SLC12A4: variants seen among roughly 807,000 people sequenced by gnomAD.
SLC12A4 encodes solute carrier family 12 member 4.
A neutral mutation model predicts 119.2 loss-of-function variants in SLC12A4; 84 were observed. That is an observed-to-expected ratio of 0.70 (90% CI 0.59 to 0.85). SLC12A4 has a LOEUF of 0.85. SLC12A4 is among the 40% of genes least tolerant of loss of function. SLC12A4 has a pLI of 0.00. For missense variants in SLC12A4, 1,298 were observed against 1,476.3 expected (o/e 0.88, Z 1.98); for synonymous variants, 599 against 604.6 (o/e 0.99, Z 0.14).
Position 67,948,053 on chromosome 16 carries a change from T to C in SLC12A4, c.1847+8A>G, listed in dbSNP as rs2058372261. Reference sequence around the variant, plus strand: ...CCCAGGGTCTCCCGTGTCAGAGGCATGGCTCACCAGTGATAGTACTTGAAC... The same window carrying C: ...CCCAGGGTCTCCCGTGTCAGAGGCACGGCTCACCAGTGATAGTACTTGAAC... On this transcript the variant is annotated splice_region_variant and intron_variant, in intron 14 of 23. Coordinates refer to ENST00000316341, the MANE Select transcript of SLC12A4 (RefSeq NM_005072.5). 1.2e-6 allele frequency: 2 copies of C among 1,612,876 alleles called. No individual in the cohort carries two copies. The highest frequency in any genetic ancestry group is 1.7e-6 in the Non-Finnish European group (2 of 1,179,812).
chr16:67,958,024 G>T lies in SLC12A4; in HGVS notation c.363C>A (p.Leu121=). ...GCAGGCAGGGCAGGTACACCCCCAT[G>T]AGGGTGCCCATGCTGGGTGCCTATG... ...RAAEAPSMGT[L]MGVYLPCLQN... The change falls in exon 4 of 24, where the codon CTC becomes CTA. Residue 121 remains leucine (L), a synonymous_variant. Transcript: ENST00000316341. 6.2e-7 allele frequency: 1 copy of T among 1,614,114 alleles called. No individual in the cohort carries two copies. Among genetic ancestry groups the T allele is most frequent in the African/African-American group, 1.3e-5 (1 of 75,056 alleles).
chr16:67,948,719 C>T (rs2058380143), intron 13 of SLC12A4, among the ~76,000 whole-genome samples: 1 of 152,136 alleles, frequency 6.6e-6, no homozygotes, highest in South Asian at 2.1e-4. Context: ...GGCAGGGGCT[C>T]CCAGCAGGAG....
Position 67,951,241 on chromosome 16 carries a change from G to A in SLC12A4, c.1196C>T (p.Ala399Val), listed in dbSNP as rs1433757687. The change falls in exon 9 of 24, where the codon GCA becomes GTA. Residue 399 changes from alanine to valine, a missense_variant. Ala to Val is a moderately conservative substitution (Grantham distance 64). Coordinates refer to ENST00000316341, the MANE Select transcript of SLC12A4 (RefSeq NM_005072.5). This position sits in a 1 kb window ranked among gnomAD's most constrained non-coding sequence, Gnocchi z 5.2. Reference sequence around the variant, plus strand: ...GCTCTCCTTCAGGCTCGGGGCATCTGCGGAGGGCAGCCCATGCTTCTCCAC... The same window carrying A: ...GCTCTCCTTCAGGCTCGGGGCATCTACGGAGGGCAGCCCATGCTTCTCCAC... ...DIVEKHGLPS[A>V]DAPSLKESLP... is the part of the protein sequence containing the mutation. The A allele has an allele frequency of 6.2e-7, 1 of 1,614,094 alleles. No individual in the cohort carries two copies. Among genetic ancestry groups the A allele is most frequent in the South Asian group, 1.1e-5 (1 of 91,076 alleles).
Position 67,951,454 on chromosome 16 carries a change from C to A in SLC12A4, c.1133-150G>T. ...ACTGCAGCGTCAGCCACAGGGCTACCCTGACCACAGAGAAGGAGCTGCCCA... is the reference window on the plus strand; with the variant it reads ...ACTGCAGCGTCAGCCACAGGGCTACACTGACCACAGAGAAGGAGCTGCCCA... On this transcript the variant is annotated intron_variant, in intron 8 of 23. Transcript: ENST00000316341. This position sits in a 1 kb window ranked among gnomAD's most constrained non-coding sequence, Gnocchi z 5.2. 1 of 853,930 alleles carries A rather than the reference C, an allele frequency of 1.2e-6. No homozygotes were observed. Among genetic ancestry groups the A allele is most frequent in the Non-Finnish European group, 1.8e-6 (1 of 565,768 alleles). 52.9% of individuals were successfully genotyped at this position (853,930 alleles called of 1,614,324 possible). A position where few individuals can be genotyped will look rare whatever the true frequency, so the allele number is the denominator to read the frequency against.
At chr16:67,956,243 C>T (rs1354646373) in intron 5 of SLC12A4, among the ~76,000 whole-genome samples, 3 of 152,128 alleles carry the variant, frequency 2.0e-5, no homozygotes, top group African/African-American at 4.8e-5. Context: ...GGACCCTCTC[C>T]TAAGGGAACT....
At chr16:67,954,327 C>T (rs536432646) in intron 6 of SLC12A4, 1 of 384,188 alleles carries the variant, frequency 2.6e-6, no homozygotes, top group African/African-American at 2.1e-5. Flanking sequence ...GCCTACATCA[C>T]CACCAAGATC....
Position 67,944,995 on chromosome 16 carries a change from ATGCCCACCCAGGGG to A in SLC12A4, c.3166+78_3167-65del. Reference sequence around the variant, plus strand: ...ACGGGCAACCCGGGCCACCTGGGCCATGCCCACCCAGGGGTGCCCAGGAGAGAAGCCGCTGGCTT... The same window carrying A: ...ACGGGCAACCCGGGCCACCTGGGCCATGCCCAGGAGAGAAGCCGCTGGCTT... On this transcript the variant is annotated intron_variant, in intron 23 of 23. Coordinates refer to ENST00000316341, the MANE Select transcript of SLC12A4 (RefSeq NM_005072.5). The surrounding 1 kb of genome is among the most constrained non-coding windows in gnomAD (Gnocchi z 6.6). 6.2e-7 allele frequency: 1 copy of A among 1,610,132 alleles called. No homozygotes were observed. Among genetic ancestry groups the A allele is most frequent in the East Asian group, 2.2e-5 (1 of 44,824 alleles).
chr16:67,947,975 G>C (rs2058371254), intron 14 of SLC12A4, 86 bp downstream of exon 14: 1 of 1,510,282 alleles, frequency 6.6e-7, no homozygotes, highest in Admixed American at 1.7e-5. Context: ...AGTGTTTCAA[G>C]AGCTCCCTAC....
chr16:67,943,905 C>G lies in SLC12A4; in HGVS notation c.*935G>C, dbSNP rs1160203655. 3.3e-6 allele frequency: 5 copies of G among 1,504,794 alleles called. No individual in the cohort carries two copies. The African/African-American group carries it at 5.6e-5, about 17-fold the overall frequency. The allele number at this position is 1,504,794 out of a possible 1,614,324, so 93.2% of individuals were successfully genotyped here. A position where few individuals can be genotyped will look rare whatever the true frequency, so the allele number is the denominator to read the frequency against. On this transcript the variant is annotated 3_prime_UTR_variant, in exon 24 of 24. Coordinates refer to ENST00000316341, the MANE Select transcript of SLC12A4 (RefSeq NM_005072.5). This position sits in a 1 kb window ranked among gnomAD's most constrained non-coding sequence, Gnocchi z 4.6. Reference sequence around the variant, plus strand: ...TGCCAGGGGCTGGGGCCCAGGCTCCCCAGGGTCTGGCGTGGTGCATCAGGG... The same window carrying G: ...TGCCAGGGGCTGGGGCCCAGGCTCCGCAGGGTCTGGCGTGGTGCATCAGGG...
chr16:67,946,710 A>G, intron 17 of SLC12A4, 77 bp from the exon 18 acceptor site: 1 of 1,510,284 alleles, frequency 6.6e-7, no homozygotes, highest in South Asian at 1.3e-5. Flanking sequence ...GCCCCTCGGG[A>G]ACAAAACGAC....
rs775665326 is a variant in SLC12A4 at position 67,951,291 on chromosome 16, G to A, written c.1146C>T (p.Ser382=). ...AAGVLQENLW[S]AYLEKGDIVE... ...CGATGTCACCCTTCTCCAGGTAGGC[G>A]CTCCACAGGTTTTCTGCAGGGGTAG... Residue 382 remains serine, a synonymous_variant, in exon 9 of 24, where the codon AGC becomes AGT. Coordinates refer to ENST00000316341, the MANE Select transcript of SLC12A4 (RefSeq NM_005072.5). The surrounding 1 kb of genome is among the most constrained non-coding windows in gnomAD (Gnocchi z 5.2). 9 of 1,613,322 alleles carry A rather than the reference G, an allele frequency of 5.6e-6. No homozygotes were observed. Among genetic ancestry groups the A allele is most frequent in the Admixed American group, 1.7e-5 (1 of 59,966 alleles).
intron 13 of SLC12A4, among the ~76,000 whole-genome samples, chr16:67,948,654 C>T (rs1598213479): frequency 6.6e-6 from 1 of 152,088 alleles, no homozygotes; most frequent in Non-Finnish European, 1.5e-5. Context: ...TCCAGGAAGG[C>T]ACCCGAGGAC....
chr16:67,946,046 C>G lies in SLC12A4; in HGVS notation c.2644G>C (p.Ala882Pro). 1 of 1,613,978 alleles carries G rather than the reference C, an allele frequency of 6.2e-7. No homozygotes were observed. Among genetic ancestry groups the G allele is most frequent in the Non-Finnish European group, 8.5e-7 (1 of 1,180,012 alleles). The change falls in exon 20 of 24, where the codon GCC (alanine) becomes CCC (proline). Residue 882 changes from alanine to proline, a missense_variant. Coordinates refer to ENST00000316341, the MANE Select transcript of SLC12A4 (RefSeq NM_005072.5). ...TGGATGCTGTTGTCATCCATCTGGGCCACTGTGAAGATGCGCATCCGGCAC... is the reference window on the plus strand; with the variant it reads ...TGGATGCTGTTGTCATCCATCTGGGGCACTGTGAAGATGCGCATCCGGCAC... The part of the protein sequence containing the change: ...RKCRMRIFTV[A>P]QMDDNSIQMK...
chr16:67,949,749 G>C lies in SLC12A4; in HGVS notation c.1748+51C>G. 7.9e-7 allele frequency: 1 copy of C among 1,263,774 alleles called. No homozygotes were observed. Among genetic ancestry groups the C allele is most frequent in the Non-Finnish European group, 1.1e-6 (1 of 886,644 alleles). The allele number at this position is 1,263,774 out of a possible 1,614,324, so 78.3% of individuals were successfully genotyped here. On this transcript the variant is annotated intron_variant, in intron 13 of 23. Coordinates refer to ENST00000316341, the MANE Select transcript of SLC12A4 (RefSeq NM_005072.5). This position sits in a 1 kb window ranked among gnomAD's most constrained non-coding sequence, Gnocchi z 4.6. ...CAGACGCAGCCACGGGGAGGTGCTG[G>C]GGTTCAGGAAGCCTTTCCCCATCCC...
At position 67,945,521 on chromosome 16, in the gene SLC12A4, C is replaced by A; in HGVS notation, c.2880G>T (p.Leu960=). The A allele has an allele frequency of 1.2e-6, 2 of 1,613,996 alleles. No individual in the cohort carries two copies. Among genetic ancestry groups the A allele is most frequent in the Non-Finnish European group, 1.7e-6 (2 of 1,179,986 alleles). ...AQLVKDRHSA[L]RLESLYSDEE... is the part of the protein sequence containing the mutation. ...CGTCCGAGTACAGGCTCTCCAGCCG[C>A]AGGGCCGAGTGCCGATCCTTGACCA... is the stretch of plus-strand genomic sequence containing the variant. The change falls in exon 22 of 24, where the codon CTG becomes CTT. Residue 960 remains leucine (L), a synonymous_variant. Coordinates refer to ENST00000316341, the MANE Select transcript of SLC12A4 (RefSeq NM_005072.5).
At position 67,954,675 on chromosome 16, in the gene SLC12A4, T is replaced by C. The variant is rs779447188; in HGVS notation, c.643A>G (p.Met215Val). The change falls in exon 6 of 24, where the codon ATG becomes GTG. Residue 215 changes from methionine to valine, a missense_variant. Physicochemically the swap from Met to Val is conservative, Grantham distance 21. Coordinates refer to ENST00000316341, the MANE Select transcript of SLC12A4 (RefSeq NM_005072.5). Reference sequence around the variant, plus strand: ...ATCTCGATGGCCCCCAGGATGTACATGGCTGCTGCGAATGTTGTTCCCAGG... The same window carrying C: ...ATCTCGATGGCCCCCAGGATGTACACGGCTGCTGCGAATGTTGTTCCCAGG... ...FYLGTTFAAA[M>V]YILGAIEILL... 1.1e-5 allele frequency: 18 copies of C among 1,614,176 alleles called. No individual in the cohort carries two copies. In the Admixed American group the frequency reaches 2.5e-4, roughly 22 times the overall value.
chr16:67,949,853 G>A lies in SLC12A4; in HGVS notation c.1695C>T (p.Ala565=), dbSNP rs1367077631. The change falls in exon 13 of 24, where the codon GCC becomes GCT. Residue 565 remains alanine, a synonymous_variant. Coordinates refer to ENST00000316341, the MANE Select transcript of SLC12A4 (RefSeq NM_005072.5). The surrounding 1 kb of genome is among the most constrained non-coding windows in gnomAD (Gnocchi z 4.6). ...TWALLLTALI[A]ELGILIASLD... ...GGGAGGCGATGAGGATGCCCAGCTC[G>A]GCGATGAGTGCCGTCAGGAGGAGTG... is the stretch of plus-strand genomic sequence containing the variant. 19 of 1,610,232 alleles carry A rather than the reference G, an allele frequency of 1.2e-5. No individual in the cohort carries two copies. Among genetic ancestry groups the A allele is most frequent in the Middle Eastern group, 1.7e-4 (1 of 6,032 alleles).
rs774329005 is a variant in SLC12A4, at chr16:67,947,429, C to T, written c.1974G>A (p.Glu658=). 1.9e-6 allele frequency: 3 copies of T among 1,612,000 alleles called. No homozygotes were observed. Among genetic ancestry groups the T allele is most frequent in the African/African-American group, 2.7e-5 (2 of 74,920 alleles). The change falls in exon 16 of 24, where the codon GAG becomes GAA. Residue 658 remains glutamate, a synonymous_variant. Coordinates refer to ENST00000316341, the MANE Select transcript of SLC12A4 (RefSeq NM_005072.5). ...CTCGGATCCCGTCACCCCACTCCTTCTCAGCCCTGCAGATTCCACCACAGC... is the reference window on the plus strand; with the variant it reads ...CTCGGATCCCGTCACCCCACTCCTTTTCAGCCCTGCAGATTCCACCACAGC... ...IYKYIEYQGA[E]KEWGDGIRGL...
intron 5 of SLC12A4, among the ~76,000 whole-genome samples, chr16:67,954,979 A>C (rs2030169497): frequency 6.6e-6 from 1 of 152,198 alleles, no homozygotes; most frequent in African/African-American, 2.4e-5. Flanking sequence ...TCTGACTCGA[A>C]TGTCCAGCAC....
Sources: gnomAD v4.1 joint callset for allele counts (sites outside exome capture counted in the v4.1 genomes callset) on GRCh38, gnomAD v4.1.1 for gene constraint, Gnocchi (gnomAD v3.1) non-coding constraint, MANE v1.5 for transcripts, NCBI Gene and HGNC (gene_info 2026-07-23, HGNC 2026-07-21) for gene names.